The following ABCG2 variants were observed in gnomAD, a reference collection of about 807,000 sequenced individuals.
ABCG2 encodes broad substrate specificity ATP-binding cassette transporter ABCG2.
Under a neutral mutation model 73.5 loss-of-function variants are expected in ABCG2, and 80 were observed. That is an observed-to-expected ratio of 1.09 (90% confidence interval 0.91 to 1.31). The LOEUF (loss-of-function observed/expected upper bound fraction) is 1.31, where lower values mean the gene tolerates loss of function less well. Among genes scored for constraint, ABCG2 ranks in the 50% most tolerant of loss-of-function variants. The probability of loss-of-function intolerance (pLI) is 0.00; values close to 1 mark genes in which losing one functional copy is unlikely to be tolerated. For missense variants in ABCG2, 796 were observed against 786.2 expected, an observed-to-expected ratio of 1.01 and a Z score of -0.15; for synonymous variants, 269 against 282.4, an observed-to-expected ratio of 0.95 and a Z score of 0.48.
chr4:88,191,088 A>AC (rs1728669606), intron 1 of ABCG2, among the ~76,000 whole-genome samples: 2 of 149,670 alleles, frequency 1.3e-5, no homozygotes, highest in Non-Finnish European at 3.0e-5. Flanking sequence ...TACACACACA[A>AC]AAAAAAATTA....
intron 1 of ABCG2, among the ~76,000 whole-genome samples, chr4:88,195,770 G>T (rs1728919168): frequency 6.6e-6 from 1 of 152,138 alleles, no homozygotes; most frequent in African/African-American, 2.4e-5. Context: ...CTTCCCTTGG[G>T]CTGGGCTGTC....
chr4:88,146,652 C>G (rs751796993), intron 1 of ABCG2, among the ~76,000 whole-genome samples: 1 of 152,084 alleles, frequency 6.6e-6, no homozygotes, highest in African/African-American at 2.4e-5. Flanking sequence ...CCTCAGCCTC[C>G]CAAAGTGCTG....
At chr4:88,176,647 ATTTTTTT>A (rs35728226) in intron 1 of ABCG2, among the ~76,000 whole-genome samples, 9 of 90,162 alleles carry the variant, frequency 1.0e-4, no homozygotes, top group Admixed American at 4.2e-4. Flanking sequence ...CACCTGGCTA[ATTTTTTT>A]TTTTTTTTTT....
rs183713158 is a variant in ABCG2, at chr4:88,169,816, A to C, written c.-19-29802T>G. On this transcript the variant is annotated intron_variant, in intron 1 of 15. Transcript: ENST00000515655. Reference sequence around the variant, plus strand: ...TCCCATGTTTGGCACTAAAGAAGAGAAACAAGACACAGGTCCAGGCACAGT... The same window carrying C: ...TCCCATGTTTGGCACTAAAGAAGAGCAACAAGACACAGGTCCAGGCACAGT... Among the ~76,000 whole-genome samples the C allele has an allele frequency of 3.9e-5, 6 of 152,236 alleles. No individual in the cohort carries two copies. In the East Asian group the frequency reaches 1.2e-3, roughly 29 times the overall value.
chr4:88,135,712 T>C (rs1267360033), intron 2 of ABCG2, among the ~76,000 whole-genome samples: 4 of 152,256 alleles, frequency 2.6e-5, no homozygotes, highest in Non-Finnish European at 1.5e-5. Flanking sequence ...CACAATGTCC[T>C]GCACTAGCAG....
At chr4:88,155,604 A>T (rs1023358887) in intron 1 of ABCG2, among the ~76,000 whole-genome samples, 1 of 152,236 alleles carries the variant, frequency 6.6e-6, no homozygotes, top group Non-Finnish European at 1.5e-5. Context: ...TATACATAAA[A>T]AGTTCAAAAG....
At chr4:88,136,266 A>T (rs900382384) in intron 2 of ABCG2, among the ~76,000 whole-genome samples, 1 of 152,160 alleles carries the variant, frequency 6.6e-6, no homozygotes, top group Non-Finnish European at 1.5e-5. Flanking sequence ...GTATACACAT[A>T]CATATCTTCT....
chr4:88,221,112 T>C lies in ABCG2; in HGVS notation c.-20+9882A>G, dbSNP rs549321125. ...GGTGAAACTCCATCTCTACTAATAA[T>C]ACAAAAATTAGACAGGTGTGTTAGT... On this transcript the variant is annotated intron_variant, in intron 1 of 15. Transcript: ENST00000515655. 1.2e-4 allele frequency among the ~76,000 whole-genome samples: 19 copies of C among 152,048 alleles called. No homozygotes were observed. In the East Asian group the frequency reaches 3.7e-3, roughly 29 times the overall value.
chr4:88,131,040 C>A, intron 5 of ABCG2, 21 bp downstream of exon 5: 1 of 1,613,124 alleles, frequency 6.2e-7, no homozygotes, highest in African/African-American at 1.3e-5. Context: ...GATCATGATG[C>A]TTTCAGTTTT....
chr4:88,152,550 C>T (rs746130998), intron 1 of ABCG2, among the ~76,000 whole-genome samples: 20 of 151,906 alleles, frequency 1.3e-4, no homozygotes, highest in Non-Finnish European at 2.8e-4. Context: ...AGCTTTTGAG[C>T]CAGAATGAGC....
Position 88,101,263 on chromosome 4 carries a change from A to C in ABCG2, c.1334T>G (p.Val445Gly), listed in dbSNP as rs755565245. 1 of 1,614,100 alleles carries C rather than the reference A, an allele frequency of 6.2e-7. No homozygotes were observed. Among genetic ancestry groups the C allele is most frequent in the East Asian group, 2.2e-5 (1 of 44,874 alleles). The change falls in exon 11 of 16, where the codon GTG becomes GGG. Residue 445 changes from valine (V) to glycine (G), a missense_variant. Physicochemically the swap from Val to Gly is moderately radical, Grantham distance 109 (BLOSUM62 -3). Coordinates refer to ENST00000237612, the MANE Select transcript of ABCG2 (RefSeq NM_004827.3). ...TNQCFSSVSA[V>G]ELFVVEKKLF... ...CTTCTTCTCTACCACAAAGAGTTCC[A>C]CGGCTGAAACACTGCTGAAACACTG...
At chr4:88,095,112 G>C (rs547920950) in intron 14 of ABCG2, among the ~76,000 whole-genome samples, 2 of 152,258 alleles carry the variant, frequency 1.3e-5, no homozygotes, top group East Asian at 3.9e-4. Context: ...GTTTACTTTG[G>C]AGTTAATGAG....
rs1553933372 is a variant in ABCG2 at position 88,115,256 on chromosome 4, C to CTA, written c.842-200_842-199dup. ...AGTCTCTCTCTCTCTCTCTCTCTCTCTATATATATATATATATATATATAT... is the reference window on the plus strand; with the variant it reads ...AGTCTCTCTCTCTCTCTCTCTCTCTCTATATATATATATATATATATATATAT... On this transcript the variant is annotated intron_variant, in intron 7 of 15. Transcript: ENST00000237612. Among the ~76,000 whole-genome samples the CTA allele has an allele frequency of 2.0e-4, 14 of 69,864 alleles. 1 individual carries two copies. The highest frequency in any genetic ancestry group is 7.3e-4 in the African/African-American group (13 of 17,738). The allele number at this position is 69,864 out of a possible 152,430, so 45.8% of individuals were successfully genotyped here. A position where few individuals can be genotyped will look rare whatever the true frequency, so the allele number is the denominator to read the frequency against.
intron 15 of ABCG2, among the ~76,000 whole-genome samples, chr4:88,093,189 T>C (rs1474362858): frequency 4.1e-4 from 63 of 152,320 alleles, no homozygotes; most frequent in Admixed American, 6.5e-5. Flanking sequence ...AAAACATACA[T>C]AGCCTCTCTT....
At chr4:88,127,945 C>CAAAAAAAAAAAAAAAAAAA (rs202145272) in intron 5 of ABCG2, among the ~76,000 whole-genome samples, 1 of 100,298 alleles carries the variant, frequency 1.0e-5, no homozygotes, top group Non-Finnish European at 2.1e-5. Flanking sequence ...TTCTGCACAG[C>CAAAAAAAAAAAAAAAAAAA]AAAAAAAAAG....
chr4:88,099,206 C>T, intron 12 of ABCG2, 118 bp downstream of exon 12: 1 of 974,150 alleles, frequency 1.0e-6, no homozygotes, highest in Non-Finnish European at 1.4e-6. Flanking sequence ...CAGGTGTTTC[C>T]TTATCTCATG....
chr4:88,177,138 C>G lies in ABCG2; in HGVS notation c.-19-37124G>C, dbSNP rs908794316. Among the ~76,000 whole-genome samples, 3 of 152,032 alleles carry G rather than the reference C, an allele frequency of 2.0e-5. No homozygotes were observed. In the East Asian group the frequency reaches 5.8e-4, roughly 29 times the overall value. ...CTGTAATCCCAGCACTTTGGGAGGC[C>G]GAGGTGGGCGGATCGCAAGGTCAGG... On this transcript the variant is annotated intron_variant, in intron 1 of 15. Transcript: ENST00000515655.
At chr4:88,216,839 G>A (rs1729832778) in intron 1 of ABCG2, among the ~76,000 whole-genome samples, 1 of 152,050 alleles carries the variant, frequency 6.6e-6, no homozygotes, top group African/African-American at 2.4e-5. Flanking sequence ...AGACCAGCCT[G>A]ACCAAAATGG....
In ABCG2 at chr4:88,097,551, C is replaced by T; in HGVS notation, c.1549G>A (p.Ala517Thr). 6.2e-7 allele frequency: 1 copy of T among 1,614,180 alleles called. No homozygotes were observed. The highest frequency in any genetic ancestry group is 8.5e-7 in the Non-Finnish European group (1 of 1,179,996). The part of the protein sequence containing the change: ...FVMMFTLMMV[A>T]YSASSMALAI... ...AGTGCCATGGAACTGGCTGAATAAGCCACCATCATAAGGGTAAACATCATA... is the reference window on the plus strand; with the variant it reads ...AGTGCCATGGAACTGGCTGAATAAGTCACCATCATAAGGGTAAACATCATA... The change falls in exon 13 of 16, where the codon GCT becomes ACT. Residue 517 changes from alanine (A) to threonine (T), a missense_variant. Coordinates refer to ENST00000237612, the MANE Select transcript of ABCG2 (RefSeq NM_004827.3).
Sources: gnomAD v4.1 joint callset for allele counts (sites outside exome capture counted in the v4.1 genomes callset) on GRCh38, gnomAD v4.1.1 for gene constraint, MANE v1.5 for transcripts, NCBI Gene and HGNC (gene_info 2026-07-23, HGNC 2026-07-21) for gene names.